Variants in TCF4 observed in about 807,000 individuals in gnomAD.
The protein encoded by TCF4 is transcription factor 4, also known as SL3-3 enhancer factor 2.
TCF4 carries 3 observed loss-of-function variants against 82.1 expected under a neutral mutation model. The ratio of observed to expected loss-of-function variants is 0.04; its 90% CI spans 0.02 to 0.09. The LOEUF is 0.09. TCF4 is among the 10% of genes least tolerant of loss of function. The pLI, the probability that TCF4 is intolerant of heterozygous loss-of-function variation, is 1.00. For missense variants in TCF4, 518 were observed against 852.7 expected, an observed-to-expected ratio of 0.61 and a Z score of 4.89; for synonymous variants, 276 against 309.6, an observed-to-expected ratio of 0.89 and a Z score of 1.14.
chr18:55,279,585 T>G lies in TCF4; in HGVS notation c.621A>C (p.Ala207=), dbSNP rs770171082. The G allele has an allele frequency of 2.5e-6, 4 of 1,613,810 alleles. No homozygotes were observed. Among genetic ancestry groups the G allele is most frequent in the Non-Finnish European group, 2.5e-6 (3 of 1,179,896 alleles). ...DSPGYPSSKP[A]TSTFPSSFFM... ...AGAAGGAGCTAGGGAAAGTGCTGGT[T>G]GCTGGTTTGGAGGAAGGATAGCCTG... The change falls in exon 9 of 20, where the codon GCA becomes GCC. Residue 207 remains alanine (A), a synonymous_variant. Coordinates refer to ENST00000354452, the MANE Select transcript of TCF4 (RefSeq NM_001083962.2).
At chr18:55,249,488 T>A (rs1209407384) in intron 15 of TCF4, among the ~76,000 whole-genome samples, 1 of 152,158 alleles carries the variant, frequency 6.6e-6, no homozygotes, top group Non-Finnish European at 1.5e-5. Context: ...CCCCCATCCC[T>A]AAGTCAACTG....
In TCF4 at chr18:55,478,126, C is replaced by T. The variant is rs796992040; in HGVS notation, c.146-13989G>A. ...AGCAGGGAAGGGGTTCCGGGAAAGC[C>T]GGAGCTGTCAGTAGAGAATAATGAT... On this transcript the variant is annotated intron_variant, in intron 3 of 19. Transcript: ENST00000354452. Among the ~76,000 whole-genome samples, 5 of 152,236 alleles carry T rather than the reference C, an allele frequency of 3.3e-5. No homozygotes were observed. The East Asian group carries it at 7.7e-4, about 23-fold the overall frequency.
intron 6 of TCF4, among the ~76,000 whole-genome samples, chr18:55,390,938 C>G (rs11872595): frequency 0.018 from 2,788 of 152,326 alleles, 101 homozygotes; most frequent in African/African-American, 0.063. Flanking sequence ...AAAAAAGACT[C>G]AAGCGAGTCT....
intron 3 of TCF4, among the ~76,000 whole-genome samples, chr18:55,466,561 G>A (rs1440367522): frequency 6.6e-6 from 1 of 152,026 alleles, no homozygotes; most frequent in Non-Finnish European, 1.5e-5. Context: ...AGATTGAGAA[G>A]CCCTGTGCTA....
chr18:55,311,576 C>T (rs974050663), intron 8 of TCF4, among the ~76,000 whole-genome samples: 17 of 152,164 alleles, frequency 1.1e-4, no homozygotes, highest in African/African-American at 4.1e-4. Flanking sequence ...ATGTCCATCT[C>T]GAGGAGTATC....
chr18:55,255,823 C>T (rs957597815), intron 14 of TCF4, among the ~76,000 whole-genome samples: 2 of 152,122 alleles, frequency 1.3e-5, no homozygotes, highest in Admixed American at 6.6e-5. Flanking sequence ...TGACTCTTTG[C>T]ACTAGATCAT....
At chr18:55,486,311 C>T (rs891648581) in intron 3 of TCF4, among the ~76,000 whole-genome samples, 6 of 152,150 alleles carry the variant, frequency 3.9e-5, no homozygotes, top group Admixed American at 6.5e-5. Context: ...GAAGGAAAGC[C>T]GGGCATGGTG....
rs375264300 is a variant in TCF4 at position 55,388,594 on chromosome 18, T to C, written c.369+14860A>G. ...CCTGGTAACTAGGTAAGTGCCTCCA[T>C]GAATGATCCCTAAGTTAATAATGAA... is the stretch of plus-strand genomic sequence containing the variant. On this transcript the variant is annotated intron_variant, in intron 6 of 19. Transcript: ENST00000354452. 7.2e-5 allele frequency among the ~76,000 whole-genome samples: 11 copies of C among 152,312 alleles called. No individual in the cohort carries two copies. In the East Asian group the frequency reaches 1.7e-3, roughly 24 times the overall value.
intron 18 of TCF4, 79 bp from the exon 19 acceptor site, chr18:55,228,440 G>A: frequency 6.4e-7 from 1 of 1,573,632 alleles, no homozygotes; most frequent in Non-Finnish European, 8.7e-7. Flanking sequence ...CTTCTTGCGT[G>A]TCTGACCTTT....
chr18:55,614,630 A>G (rs2097710132), intron 2 of TCF4, among the ~76,000 whole-genome samples: 1 of 152,152 alleles, frequency 6.6e-6, no homozygotes, highest in Non-Finnish European at 1.5e-5. Flanking sequence ...TTTGAGTTTT[A>G]AAAGTACTGT....
chr18:55,405,161 T>C (rs2094022600), intron 5 of TCF4, among the ~76,000 whole-genome samples: 1 of 152,256 alleles, frequency 6.6e-6, no homozygotes, highest in African/African-American at 2.4e-5. Flanking sequence ...AAATTTAAGC[T>C]ACTTATACCC....
chr18:55,417,113 G>C (rs1037986348), intron 5 of TCF4, among the ~76,000 whole-genome samples: 1 of 152,218 alleles, frequency 6.6e-6, no homozygotes, highest in Non-Finnish European at 1.5e-5. Context: ...AAGGAGTTTG[G>C]CTACAGACTT....
chr18:55,546,568 T>G (rs1484334597), intron 3 of TCF4, among the ~76,000 whole-genome samples: 1 of 152,120 alleles, frequency 6.6e-6, no homozygotes, highest in Non-Finnish European at 1.5e-5. Flanking sequence ...TTGTAGTGGA[T>G]TGTATTTCTA....
At chr18:55,499,581 T>TC (rs2096674403) in intron 3 of TCF4, among the ~76,000 whole-genome samples, 2 of 152,076 alleles carry the variant, frequency 1.3e-5, no homozygotes, top group African/African-American at 2.4e-5. Context: ...TTTTAACTAC[T>TC]CCCCCCACCA....
rs183845216 is a variant in TCF4, at chr18:55,375,988, C to T, written c.370-24985G>A. On this transcript the variant is annotated intron_variant, in intron 6 of 19. Coordinates refer to ENST00000354452, the MANE Select transcript of TCF4 (RefSeq NM_001083962.2). The stretch of plus-strand genomic sequence containing the variant: ...GTGTCTGATATTTTAAGAAAGTATC[C>T]ATGTATTATTTTTATTATATTTTCT... Among the ~76,000 whole-genome samples, 61 of 149,020 alleles carry T rather than the reference C, an allele frequency of 4.1e-4. No individual in the cohort carries two copies. The East Asian group carries it at 0.011, about 27-fold the overall frequency.
chr18:55,312,298 C>A (rs1227243680), intron 8 of TCF4, among the ~76,000 whole-genome samples: 1 of 152,192 alleles, frequency 6.6e-6, no homozygotes, highest in Non-Finnish European at 1.5e-5. Context: ...GAATCACCAT[C>A]TAACTTTAAA....
intron 5 of TCF4, among the ~76,000 whole-genome samples, chr18:55,414,835 T>C (rs1168437003): frequency 6.6e-6 from 1 of 152,198 alleles, no homozygotes; most frequent in Non-Finnish European, 1.5e-5. Context: ...AAAAATATTT[T>C]ACTCAAACTA....
Position 55,282,157 on chromosome 18 carries a change from T to A in TCF4, c.550-2501A>T, listed in dbSNP as rs141716019. 4.3e-3 allele frequency among the ~76,000 whole-genome samples: 654 copies of A among 152,088 alleles called. 6 individuals are homozygous for A. The highest frequency in any genetic ancestry group is 0.015 in the African/African-American group (625 of 41,552). ...CTTACCTCAAAAGTTATTTTCAAGG[T>A]AAGATCTCTATATTTTTGTTTATAT... On this transcript the variant is annotated intron_variant, in intron 8 of 19. Coordinates refer to ENST00000354452, the MANE Select transcript of TCF4 (RefSeq NM_001083962.2).
intron 8 of TCF4, among the ~76,000 whole-genome samples, chr18:55,300,404 A>C: frequency 7.4e-6 from 1 of 135,468 alleles, no homozygotes; most frequent in Non-Finnish European, 1.6e-5. Context: ...GGGGCAGGGA[A>C]TGCAAAGTGG....
Sources: gnomAD v4.1 joint callset for allele counts (sites outside exome capture counted in the v4.1 genomes callset) on GRCh38, gnomAD v4.1.1 for gene constraint, MANE v1.5 for transcripts, NCBI Gene and HGNC (gene_info 2026-07-23, HGNC 2026-07-21) for gene names.